The following ATP9B variants were observed in gnomAD, a reference collection of about 807,000 sequenced individuals.
The protein encoded by ATP9B is probable phospholipid-transporting ATPase IIB.
Under a neutral mutation model 146.1 loss-of-function variants are expected in ATP9B, and 110 were observed. That is an observed-to-expected ratio of 0.75 (90% CI 0.65 to 0.88). The LOEUF is 0.88. Among genes scored for constraint, ATP9B ranks in the 40% least tolerant of loss-of-function variants. ATP9B has a pLI of 0.00. For missense variants in ATP9B, 1,499 were observed against 1,496.4 expected, an observed-to-expected ratio of 1.00 and a Z score of -0.03; for synonymous variants, 604 against 569.7, an observed-to-expected ratio of 1.06 and a Z score of -0.86.
chr18:79,315,945 T>G (rs2096677346), intron 15 of ATP9B, among the ~76,000 whole-genome samples: 1 of 152,268 alleles, frequency 6.6e-6, no homozygotes. Flanking sequence ...TTAGAGATTT[T>G]TGACAGCTCA....
chr18:79,373,475 C>T (rs1326723607), intron 27 of ATP9B, among the ~76,000 whole-genome samples: 1 of 147,528 alleles, frequency 6.8e-6, no homozygotes, highest in African/African-American at 2.5e-5. Context: ...GAAGCATGGG[C>T]ATGGCCATTA....
At chr18:79,170,752 G>C (rs1449612804) in intron 7 of ATP9B, among the ~76,000 whole-genome samples, 1 of 152,180 alleles carries the variant, frequency 6.6e-6, no homozygotes, top group Non-Finnish European at 1.5e-5. Flanking sequence ...CTGCATGTCA[G>C]ATTAGTTCGT....
intron 26 of ATP9B, chr18:79,362,017 C>G (rs1417249459): frequency 6.5e-6 from 1 of 154,640 alleles, no homozygotes; most frequent in Non-Finnish European, 1.4e-5. Flanking sequence ...CATAAAGGGC[C>G]GCGGACTGAA....
chr18:79,244,679 C>G (rs1159852504), intron 11 of ATP9B, among the ~76,000 whole-genome samples: 1 of 152,056 alleles, frequency 6.6e-6, no homozygotes, highest in Non-Finnish European at 1.5e-5. Context: ...TGTTTCTACC[C>G]TACCCTGAGA....
At chr18:79,327,440 G>A (rs1002371105) in intron 15 of ATP9B, among the ~76,000 whole-genome samples, 2 of 152,012 alleles carry the variant, frequency 1.3e-5, no homozygotes, top group Non-Finnish European at 2.9e-5. Context: ...TGCTCTCCAT[G>A]GTTAGTGTGC....
chr18:79,262,958 T>TA (rs1438250171), intron 12 of ATP9B, among the ~76,000 whole-genome samples: 4 of 152,250 alleles, frequency 2.6e-5, no homozygotes, highest in Non-Finnish European at 5.9e-5. Context: ...GTCTTGGCTT[T>TA]AAAAAAATTA....
intron 7 of ATP9B, chr18:79,174,259 G>T: frequency 3.1e-6 from 1 of 321,668 alleles, no homozygotes; most frequent in South Asian, 2.5e-5. Flanking sequence ...ATGGACTGCT[G>T]CGTCACCATC....
intron 8 of ATP9B, among the ~76,000 whole-genome samples, chr18:79,192,319 C>G (rs973182001): frequency 3.9e-5 from 6 of 152,026 alleles, no homozygotes; most frequent in Non-Finnish European, 7.4e-5. Flanking sequence ...ATGGCAAACT[C>G]TGTGTGTTAA....
chr18:79,194,931 G>C (rs1453919764), intron 9 of ATP9B, among the ~76,000 whole-genome samples: 1 of 152,188 alleles, frequency 6.6e-6, no homozygotes, highest in Non-Finnish European at 1.5e-5. Flanking sequence ...GTAAAGCTTT[G>C]GGACATTGAA....
chr18:79,286,510 G>A (rs1167793180), intron 13 of ATP9B, among the ~76,000 whole-genome samples: 2 of 152,200 alleles, frequency 1.3e-5, no homozygotes, highest in Admixed American at 6.5e-5. Flanking sequence ...AGTTTAAGGA[G>A]ATTTTGGGCT....
chr18:79,364,620 A>G lies in ATP9B; in HGVS notation c.3012+5158A>G, dbSNP rs542809690. On this transcript the variant is annotated intron_variant, in intron 26 of 29. Transcript: ENST00000426216. Reference sequence around the variant, plus strand: ...AAAGCTATAAACCTTTCAGAAGAAAATACACACAAAATATGCATGACCTTG... The same window carrying G: ...AAAGCTATAAACCTTTCAGAAGAAAGTACACACAAAATATGCATGACCTTG... Among the ~76,000 whole-genome samples the G allele has an allele frequency of 8.5e-5, 13 of 152,360 alleles. No individual in the cohort carries two copies. The South Asian group carries it at 2.5e-3, about 29-fold the overall frequency.
chr18:79,200,523 A>G (rs968669914), intron 9 of ATP9B, among the ~76,000 whole-genome samples: 3 of 152,214 alleles, frequency 2.0e-5, no homozygotes, highest in East Asian at 1.9e-4. Context: ...TACCCAGTGC[A>G]CACAGAACAT....
intron 10 of ATP9B, among the ~76,000 whole-genome samples, chr18:79,213,748 G>T (rs2095603750): frequency 6.6e-6 from 1 of 152,118 alleles, no homozygotes; most frequent in East Asian, 1.9e-4. Flanking sequence ...GGGTACATTT[G>T]TATTGCTTAA....
At chr18:79,238,517 C>T (rs966661478) in intron 11 of ATP9B, among the ~76,000 whole-genome samples, 1 of 152,162 alleles carries the variant, frequency 6.6e-6, no homozygotes, top group Non-Finnish European at 1.5e-5. Flanking sequence ...TCTGTGCCCC[C>T]TCCGTGTACT....
At chr18:79,143,916 C>G in intron 6 of ATP9B, 56 bp downstream of exon 6, 2 of 1,089,864 alleles carry the variant, frequency 1.8e-6, no homozygotes, top group South Asian at 1.8e-5. Flanking sequence ...TAATGTTTAG[C>G]CTGATTATAA....
At chr18:79,275,412 C>T (rs369786528) in intron 12 of ATP9B, among the ~76,000 whole-genome samples, 2 of 152,318 alleles carry the variant, frequency 1.3e-5, no homozygotes, top group South Asian at 2.1e-4. Context: ...TTTTCTTTTC[C>T]TTCTTCAAAC....
chr18:79,344,287 A>G lies in ATP9B; in HGVS notation c.2405A>G (p.His802Arg). ...FRQVTSRGEA[H>R]LELNAFRRKH... ...GAGGTAACCAGTCGGGGAGAGGCAC[A>G]TTTGGAGCTGAATGCATTTCGAAGG... is the stretch of plus-strand genomic sequence containing the variant. The change falls in exon 21 of 30, where the codon CAT becomes CGT. Residue 802 changes from histidine to arginine, a missense_variant. Transcript: ENST00000426216. 6.2e-7 allele frequency: 1 copy of G among 1,614,216 alleles called. No homozygotes were observed. Among genetic ancestry groups the G allele is most frequent in the Non-Finnish European group, 8.5e-7 (1 of 1,180,032 alleles).
At chr18:79,355,638 GAGCCCCGGCCGCTGTA>G (rs1487956393) in intron 25 of ATP9B, among the ~76,000 whole-genome samples, 8 of 149,462 alleles carry the variant, frequency 5.4e-5, no homozygotes, top group African/African-American at 2.0e-4. Flanking sequence ...TGTGCCGTGG[GAGCCCCGGCCGCTGTA>G]CCGTTTGTGC....
In ATP9B at chr18:79,367,513, C is replaced by T. The variant is rs143023220; in HGVS notation, c.3013-5312C>T. Among the ~76,000 whole-genome samples, 760 of 149,406 alleles carry T rather than the reference C, an allele frequency of 5.1e-3. 7 individuals carry two copies. The highest frequency in any genetic ancestry group is 0.018 in the African/African-American group (710 of 39,486). On this transcript the variant is annotated intron_variant, in intron 26 of 29. Transcript: ENST00000426216. ...CACTGTGTGTACGCAGAGAAAGTGC[C>T]TCCTCAACCAGAGAGCACACAGATA...
Sources: gnomAD v4.1 joint callset for allele counts (sites outside exome capture counted in the v4.1 genomes callset) on GRCh38, gnomAD v4.1.1 for gene constraint, MANE v1.5 for transcripts, NCBI Gene and HGNC (gene_info 2026-07-23, HGNC 2026-07-21) for gene names.